IPO4: variants seen among roughly 807,000 people sequenced by gnomAD.
IPO4 encodes importin-4.
IPO4 carries 91 observed loss-of-function variants against 133.5 expected under a neutral mutation model. That is an observed-to-expected ratio of 0.68 (90% CI 0.58 to 0.81). The LOEUF is 0.81. Among genes scored for constraint, IPO4 ranks in the 30% least tolerant of loss-of-function variants. The pLI is 0.00. For synonymous variants in IPO4, 607 were observed against 581.6 expected, an observed-to-expected ratio of 1.04 and a Z score of -0.63; for missense variants, 1,279 against 1,386.2, an observed-to-expected ratio of 0.92 and a Z score of 1.23.
In IPO4 at chr14:24,181,721, G is replaced by A. The variant is rs1182980183; in HGVS notation, c.2930C>T (p.Pro977Leu). 1 of 1,602,742 alleles carries A rather than the reference G, an allele frequency of 6.2e-7. No homozygotes were observed. Among genetic ancestry groups the A allele is most frequent in the East Asian group, 2.2e-5 (1 of 44,764 alleles). ...RLLMASPTRK[P>L]EPQVLAALLH... ...GTCTCCCTCCCTCACCTGGGGCTCT[G>A]GTTTCCTGGTGGGACTGGCCATCAA... The change falls in exon 27 of 30, where the codon CCA becomes CTA. Residue 977 changes from proline (P) to leucine (L), a missense_variant. This residue lies in a region of IPO4 where 575 missense variants were observed against 653.4 expected (regional missense o/e 0.88). Coordinates refer to ENST00000354464, the MANE Select transcript of IPO4 (RefSeq NM_024658.4).
At chr14:24,188,462 A>C in intron 2 of IPO4, 39 bp from the exon 3 acceptor site, 1 of 1,609,636 alleles carries the variant, frequency 6.2e-7, no homozygotes, top group Non-Finnish European at 8.5e-7. Context: ...TCCGGGCAGG[A>C]AGGTGCTGAG....
rs772696207 is a variant in IPO4 at position 24,187,434 on chromosome 14, G to C, written c.554C>G (p.Thr185Ser). The C allele has an allele frequency of 1.2e-6, 2 of 1,614,172 alleles. No homozygotes were observed. Among genetic ancestry groups the C allele is most frequent in the Non-Finnish European group, 1.7e-6 (2 of 1,180,034 alleles). The stretch of plus-strand genomic sequence containing the variant: ...AGTGCTGAGGTAGGGAGCCATGGTG[G>C]TCAGAGTGCGCAGGGAGTAGAAGAG... ...GLLFYSLRTL[T>S]TMAPYLSTED... is the part of the protein sequence containing the mutation. Residue 185 changes from threonine to serine, a missense_variant, in exon 6 of 30, where the codon ACC becomes AGC. Thr to Ser is a moderately conservative substitution (Grantham distance 58). Coordinates refer to ENST00000354464, the MANE Select transcript of IPO4 (RefSeq NM_024658.4).
chr14:24,185,002 TACCA>T, intron 14 of IPO4, 22 bp from the exon 15 acceptor site: 1 of 1,610,210 alleles, frequency 6.2e-7, no homozygotes, highest in South Asian at 1.1e-5. Flanking sequence ...GATGCTCCTC[TACCA>T]ACCAACCCAG....
chr14:24,187,732 C>T lies in IPO4; in HGVS notation c.343G>A (p.Ala115Thr). Residue 115 changes from alanine to threonine, a missense_variant, in exon 5 of 30, where the codon GCC becomes ACC. This residue lies in a region of IPO4 where 695 missense variants were observed against 704.1 expected (regional missense o/e 0.99). Transcript: ENST00000354464. ...AGCAGCTGCAAAAGCTGTGGCCAGG[C>T]CTCCAAGCCTTCCTTTCGAAAAATG... Reference protein sequence around the residue: ...ATIFRKEGLEAWPQLLQLLQH... With the variant: ...ATIFRKEGLETWPQLLQLLQH... 1.2e-6 allele frequency: 2 copies of T among 1,614,210 alleles called. No individual in the cohort carries two copies. The highest frequency in any genetic ancestry group is 1.7e-6 in the Non-Finnish European group (2 of 1,180,038).
intron 5 of IPO4, 34 bp from the exon 6 acceptor site, chr14:24,187,613 A>T (rs1278191477): frequency 6.2e-7 from 1 of 1,613,928 alleles, no homozygotes; most frequent in Non-Finnish European, 8.5e-7. Flanking sequence ...GAGCAAGCTT[A>T]CAAGGTCTAT....
rs978050165 is a variant in IPO4 at position 24,185,970 on chromosome 14, T to A, written c.1060A>T (p.Met354Leu). 4 of 1,613,680 alleles carry A rather than the reference T, an allele frequency of 2.5e-6. No individual in the cohort carries two copies. Among genetic ancestry groups the A allele is most frequent in the South Asian group, 2.2e-5 (2 of 91,066 alleles). ...LPPEKLCPQLMPMLEEALRSE... is the reference protein window; with the variant it reads ...LPPEKLCPQLLPMLEEALRSE... ...CGCAAAGCCTCTTCCAACATGGGCATCTAGGGAAGCATGTGGCACGCTTCT... is the reference window on the plus strand; with the variant it reads ...CGCAAAGCCTCTTCCAACATGGGCAACTAGGGAAGCATGTGGCACGCTTCT... The change falls in exon 12 of 30, where the codon ATG (methionine) becomes TTG (leucine). Residue 354 changes from methionine (M) to leucine (L), a missense_variant and splice_region_variant. Met to Leu is a conservative substitution (Grantham distance 15, BLOSUM62 2). Coordinates refer to ENST00000354464, the MANE Select transcript of IPO4 (RefSeq NM_024658.4).
chr14:24,187,993 T>A, intron 4 of IPO4, 197 bp from the exon 5 acceptor site: 2 of 763,694 alleles, frequency 2.6e-6, no homozygotes, highest in Non-Finnish European at 4.2e-6. Context: ...AAGTTCAGTC[T>A]AACTTAGCCT....
At position 24,182,917 on chromosome 14, in the gene IPO4, G is replaced by T; in HGVS notation, c.2421+59C>A. On this transcript the variant is annotated intron_variant, in intron 23 of 29. Coordinates refer to ENST00000354464, the MANE Select transcript of IPO4 (RefSeq NM_024658.4). ...CATGGGGGTAGGGGGTGGACTTGTA[G>T]CCAGTCCCCAACCGAGGCCCAGCAC... 3 of 1,612,214 alleles carry T rather than the reference G, an allele frequency of 1.9e-6. No homozygotes were observed. The South Asian group carries it at 3.3e-5, about 18-fold the overall frequency.
Position 24,185,987 on chromosome 14 carries a change from C to T in IPO4, c.1060-17G>A, listed in dbSNP as rs751565259. ...CATGGGCATCTAGGGAAGCATGTGG[C>T]ACGCTTCTGAAACCCCAGCAAGAGC... On this transcript the variant is annotated splice_polypyrimidine_tract_variant and intron_variant, in intron 11 of 29. Coordinates refer to ENST00000354464, the MANE Select transcript of IPO4 (RefSeq NM_024658.4). The T allele has an allele frequency of 9.3e-6, 15 of 1,611,364 alleles. No homozygotes were observed. The Admixed American group carries it at 2.3e-4, about 25-fold the overall frequency.
At position 24,182,301 on chromosome 14, in the gene IPO4, G is replaced by A; in HGVS notation, c.2575C>T (p.Leu859=). ...DSFAPFFAGF[L]PLLVCKTKQG... ...ACTGTCTTGCACACCAATAATGGCA[G>A]GAAACCGGCAAAGAATGGGGCAAAG... The change falls in exon 25 of 30, where the codon CTG becomes TTG. Residue 859 remains leucine, a synonymous_variant. Coordinates refer to ENST00000354464, the MANE Select transcript of IPO4 (RefSeq NM_024658.4). 1 of 1,614,130 alleles carries A rather than the reference G, an allele frequency of 6.2e-7. No individual in the cohort carries two copies. The highest frequency in any genetic ancestry group is 1.1e-5 in the South Asian group (1 of 91,084).
At position 24,186,427 on chromosome 14, in the gene IPO4, G is replaced by A; in HGVS notation, c.865C>T (p.Pro289Ser). 1 of 1,597,788 alleles carries A rather than the reference G, an allele frequency of 6.3e-7. No individual in the cohort carries two copies. The highest frequency in any genetic ancestry group is 8.5e-7 in the Non-Finnish European group (1 of 1,170,392). The change falls in exon 10 of 30, where the codon CCA becomes TCA. Residue 289 changes from proline to serine, a missense_variant. Coordinates refer to ENST00000354464, the MANE Select transcript of IPO4 (RefSeq NM_024658.4). ...SKALLKNRLL[P>S]PLLHTLFPIV... Reference sequence around the variant, plus strand: ...GGGAAAAGGGTGTGCAGCAAGGGTGGCAGGAGACGATTCTTCAGTAAGGCC... The same window carrying A: ...GGGAAAAGGGTGTGCAGCAAGGGTGACAGGAGACGATTCTTCAGTAAGGCC...
In IPO4 at chr14:24,185,462, T is replaced by C. The variant is rs779423953; in HGVS notation, c.1275A>G (p.Leu425=). 2 of 1,614,050 alleles carry C rather than the reference T, an allele frequency of 1.2e-6. No homozygotes were observed. The highest frequency in any genetic ancestry group is 8.5e-7 in the Non-Finnish European group (1 of 1,179,908). Residue 425 remains leucine, a synonymous_variant, in exon 13 of 30, where the codon CTA becomes CTG. Transcript: ENST00000354464. ...LFALGQFSEN[L]QPHISSYSRE... ...TCCCACATTCAGCCTGGTTCACCTG[T>C]AGGTTTTCTGAGAACTGGCCCAGGG...
rs781337802 is a variant in IPO4 at position 24,184,801 on chromosome 14, C to A, written c.1523-38G>T. The A allele has an allele frequency of 2.6e-5, 41 of 1,603,482 alleles. No individual in the cohort carries two copies. In the East Asian group the frequency reaches 8.5e-4, roughly 33 times the overall value. ...AGGACAGAATCAGAGCTGGAGAGGG[C>A]AGGGACCACCAGCCACAGGGCCTTT... On this transcript the variant is annotated intron_variant, in intron 15 of 29. Transcript: ENST00000354464.
intron 18 of IPO4, 26 bp downstream of exon 18, chr14:24,183,972 G>GGGCCCCCCCCCCCC: frequency 3.8e-6 from 6 of 1,573,240 alleles, no homozygotes; most frequent in Non-Finnish European, 5.2e-6. Context: ...GGCAGGCCTG[G>GGGCCCCCCCCCCCC]CCCAGCCCAC....
chr14:24,182,106 T>C lies in IPO4; in HGVS notation c.2656A>G (p.Ile886Val), dbSNP rs1184462194. 1.9e-6 allele frequency: 3 copies of C among 1,614,040 alleles called. No homozygotes were observed. The highest frequency in any genetic ancestry group is 4.5e-5 in the East Asian group (2 of 44,878). ...SFAVGTLAET[I>V]QGLGAASAQF... ...GCTGAGGCAGCACCCAGGCCCTGAA[T>C]AGTCTCTGCCAAGGTCCCCACTGCA... is the stretch of plus-strand genomic sequence containing the variant. Residue 886 changes from isoleucine to valine, a missense_variant, in exon 26 of 30, where the codon ATT (isoleucine) becomes GTT (valine). Ile to Val is a conservative substitution (Grantham distance 29). This residue lies in a region of IPO4 where 575 missense variants were observed against 653.4 expected (regional missense o/e 0.88). Transcript: ENST00000354464.
Position 24,186,799 on chromosome 14 carries a change from C to G in IPO4, c.757-8G>C. On this transcript the variant is annotated splice_polypyrimidine_tract_variant and splice_region_variant and intron_variant, in intron 8 of 29. Coordinates refer to ENST00000354464, the MANE Select transcript of IPO4 (RefSeq NM_024658.4). ...GGCCACATTTCTAGCTACCTGTCCA[C>G]AGAATAATAAAAATCAGCGACAGGG... The G allele has an allele frequency of 6.2e-7, 1 of 1,613,674 alleles. No individual in the cohort carries two copies. Among genetic ancestry groups the G allele is most frequent in the South Asian group, 1.1e-5 (1 of 91,070 alleles).
At position 24,184,406 on chromosome 14, in the gene IPO4, A is replaced by G. The variant is rs1205147792; in HGVS notation, c.1649T>C (p.Val550Ala). ...GGGCTCCCCCACTGCTCGTGCCAGCACCCCCAGTGTCTCTGTGGGGGCAAG... is the reference window on the plus strand; with the variant it reads ...GGGCTCCCCCACTGCTCGTGCCAGCGCCCCCAGTGTCTCTGTGGGGGCAAG... ...VQIQSLETLG[V>A]LARAVGEPMR... is the part of the protein sequence containing the mutation. Residue 550 changes from valine to alanine, a missense_variant, in exon 17 of 30, where the codon GTG (valine) becomes GCG (alanine). This residue lies in a region of IPO4 where 695 missense variants were observed against 704.1 expected (regional missense o/e 0.99). Transcript: ENST00000354464. The G allele has an allele frequency of 6.2e-7, 1 of 1,609,178 alleles. No homozygotes were observed. Among genetic ancestry groups the G allele is most frequent in the East Asian group, 2.2e-5 (1 of 44,798 alleles).
chr14:24,182,581 A>G (rs2039158108), intron 24 of IPO4, 178 bp from the exon 25 acceptor site: 2 of 985,784 alleles, frequency 2.0e-6, no homozygotes, highest in Non-Finnish European at 3.1e-6. Flanking sequence ...TTCTGCTCCT[A>G]CCTATCACTC....
chr14:24,187,441 T>C lies in IPO4; in HGVS notation c.547A>G (p.Thr183Ala). 6.2e-7 allele frequency: 1 copy of C among 1,613,384 alleles called. No homozygotes were observed. Among genetic ancestry groups the C allele is most frequent in the Non-Finnish European group, 8.5e-7 (1 of 1,179,874 alleles). ...SPGLLFYSLR[T>A]LTTMAPYLST... ...AGGTAGGGAGCCATGGTGGTCAGAG[T>C]GCGCAGGGAGTAGAAGAGCAGCCCA... The change falls in exon 6 of 30, where the codon ACT becomes GCT. Residue 183 changes from threonine (T) to alanine (A), a missense_variant. Thr to Ala is a moderately conservative substitution (Grantham distance 58, BLOSUM62 0). Transcript: ENST00000354464.
Sources: allele counts gnomAD v4.1 joint callset, GRCh38; gene constraint gnomAD v4.1.1; regional missense constraint gnomAD v4.1.1; transcripts MANE v1.5; gene names NCBI Gene and HGNC (gene_info 2026-07-23, HGNC 2026-07-21).